Variants in GRID2 observed in about 807,000 individuals in gnomAD.
The protein encoded by GRID2 is glutamate receptor ionotropic, delta-2.
GRID2 carries 33 observed loss-of-function variants against 114.8 expected under a neutral mutation model. The observed-to-expected ratio is 0.29, with a 90% CI of 0.22 to 0.38. The LOEUF (loss-of-function observed/expected upper bound fraction) is 0.38, where lower values mean the gene tolerates loss of function less well. Ranked by LOEUF, GRID2 falls within the 10% of genes least tolerant of loss-of-function variation. GRID2 has a pLI of 1.00. For missense variants in GRID2, 1,184 were observed against 1,257.7 expected (o/e 0.94, Z 0.89); for synonymous variants, 505 against 449.9 (o/e 1.12, Z -1.55).
intron 2 of GRID2, among the ~76,000 whole-genome samples, chr4:92,834,182 T>C (rs1305964036): frequency 1.3e-5 from 2 of 152,186 alleles, no homozygotes; most frequent in Non-Finnish European, 2.9e-5. Context: ...GCTAGTACTG[T>C]GTCAAAAGCT....
intron 14 of GRID2, among the ~76,000 whole-genome samples, chr4:93,741,174 C>CATATATATATATATATACATATATAT (rs1731346895): frequency 2.4e-5 from 1 of 41,240 alleles, no homozygotes; most frequent in African/African-American, 1.2e-4. Flanking sequence ...TATATATATA[C>CATATATATATATATATACATATATAT]ATATATATAT....
intron 2 of GRID2, among the ~76,000 whole-genome samples, chr4:93,068,648 C>G (rs917345293): frequency 1.8e-4 from 27 of 151,670 alleles, no homozygotes; most frequent in African/African-American, 4.8e-4. Flanking sequence ...TGATATATAT[C>G]CACAAGAAAC....
In GRID2 at chr4:92,810,585, T is replaced by A. The variant is rs112964114; in HGVS notation, c.244+220299T>A. ...CATAAATTATAAAATTTGTGAGGCA[T>A]TTGTAGATATACAAGGTTGTGTGTA... On this transcript the variant is annotated intron_variant, in intron 2 of 15. Transcript: ENST00000282020. Among the ~76,000 whole-genome samples, 11 of 152,224 alleles carry A rather than the reference T, an allele frequency of 7.2e-5. 1 individual carries two copies. Among genetic ancestry groups the A allele is most frequent in the African/African-American group, 2.6e-4 (11 of 41,574 alleles).
chr4:92,966,282 A>G (rs1447963989), intron 2 of GRID2, among the ~76,000 whole-genome samples: 1 of 151,934 alleles, frequency 6.6e-6, no homozygotes, highest in Non-Finnish European at 1.5e-5. Flanking sequence ...CTTATAAGGT[A>G]TAAAAGTGGT....
At chr4:92,548,325 C>A (rs1726381246) in intron 1 of GRID2, among the ~76,000 whole-genome samples, 1 of 151,406 alleles carries the variant, frequency 6.6e-6, no homozygotes, top group Admixed American at 6.6e-5. Context: ...TTTATTTAAC[C>A]CAGTTTGGTA....
chr4:93,243,205 T>G (rs1162158564), intron 8 of GRID2, among the ~76,000 whole-genome samples: 3 of 152,060 alleles, frequency 2.0e-5, no homozygotes, highest in Admixed American at 1.3e-4. Flanking sequence ...ATTTAATTAC[T>G]AATTTTTTTA....
intron 1 of GRID2, among the ~76,000 whole-genome samples, chr4:92,363,909 T>G (rs1161772683): frequency 6.8e-6 from 1 of 146,578 alleles, no homozygotes; most frequent in Non-Finnish European, 1.5e-5. Context: ...AGCCTCCACC[T>G]CCTGGGTTGA....
At chr4:93,272,186 T>C (rs1307021134) in intron 8 of GRID2, among the ~76,000 whole-genome samples, 1 of 152,210 alleles carries the variant, frequency 6.6e-6, no homozygotes, top group Non-Finnish European at 1.5e-5. Flanking sequence ...CAGGCATTGA[T>C]AGGAATTCAT....
chr4:92,699,594 ACTT>A (rs1389794566), intron 2 of GRID2, among the ~76,000 whole-genome samples: 6 of 152,226 alleles, frequency 3.9e-5, no homozygotes, highest in East Asian at 1.9e-4. Flanking sequence ...TCATTAGTAA[ACTT>A]CTCTTGTTTT....
chr4:93,439,939 A>G (rs992160386), intron 10 of GRID2, among the ~76,000 whole-genome samples: 1 of 151,950 alleles, frequency 6.6e-6, no homozygotes, highest in Non-Finnish European at 1.5e-5. Context: ...CTGACCCACC[A>G]TTTCCTAGGT....
intron 4 of GRID2, among the ~76,000 whole-genome samples, chr4:93,185,615 G>T (rs1740329195): frequency 6.6e-6 from 1 of 152,042 alleles, no homozygotes; most frequent in South Asian, 2.1e-4. Context: ...TAAAACTGTA[G>T]ATATTAATGA....
chr4:93,131,950 A>G (rs973537632), intron 4 of GRID2, among the ~76,000 whole-genome samples: 3 of 152,150 alleles, frequency 2.0e-5, no homozygotes, highest in African/African-American at 7.2e-5. Context: ...GTATTGTTAT[A>G]TCTGTGATCT....
intron 2 of GRID2, among the ~76,000 whole-genome samples, chr4:93,029,346 G>C (rs1325575167): frequency 6.6e-6 from 1 of 151,886 alleles, no homozygotes; most frequent in Non-Finnish European, 1.5e-5. Context: ...TTTTAATACA[G>C]TAGATTCACT....
Position 92,930,298 on chromosome 4 carries a change from G to A in GRID2, c.245-154697G>A, listed in dbSNP as rs148616409. Among the ~76,000 whole-genome samples the A allele has an allele frequency of 1.3e-3, 195 of 151,268 alleles. 1 individual carries two copies. Among genetic ancestry groups the A allele is most frequent in the African/African-American group, 4.5e-3 (186 of 41,404 alleles). On this transcript the variant is annotated intron_variant, in intron 2 of 15. Transcript: ENST00000282020. ...TATTTAGCAATATCTGTGTGATTAG[G>A]CATCTGCTTCCTAATTCAACGTTTT...
intron 14 of GRID2, among the ~76,000 whole-genome samples, chr4:93,766,150 A>G (rs1048783588): frequency 2.0e-4 from 31 of 152,318 alleles, no homozygotes; most frequent in African/African-American, 6.3e-4. Context: ...TCAAGTAATT[A>G]TAAATGATGA....
rs577992179 is a variant in GRID2, at chr4:93,124,096, TA to T, written c.735+13146del. The stretch of plus-strand genomic sequence containing the variant: ...CAATGTGCACATGTACCCTAAAACT[TA>T]AAGTATAATAAAAAAAAAAGAAAAA... On this transcript the variant is annotated intron_variant, in intron 4 of 15. Transcript: ENST00000282020. Among the ~76,000 whole-genome samples the T allele has an allele frequency of 3.4e-4, 36 of 106,498 alleles. 3 individuals carry two copies. The East Asian group carries it at 9.5e-3, about 28-fold the overall frequency. The allele number at this position is 106,498 out of a possible 152,430, so 69.9% of individuals were successfully genotyped here. A position where few individuals can be genotyped will look rare whatever the true frequency, so the allele number is the denominator to read the frequency against.
intron 1 of GRID2, among the ~76,000 whole-genome samples, chr4:92,458,233 A>G (rs1033672424): frequency 8.5e-5 from 13 of 152,234 alleles, no homozygotes; most frequent in African/African-American, 1.7e-4. Flanking sequence ...ATTAGTCTCT[A>G]TGATAGGCAC....
At chr4:92,631,522 T>A (rs1730808128) in intron 2 of GRID2, among the ~76,000 whole-genome samples, 1 of 152,154 alleles carries the variant, frequency 6.6e-6, no homozygotes, top group Non-Finnish European at 1.5e-5. Flanking sequence ...AAAATAATTT[T>A]AAATACTTTC....
chr4:92,312,833 C>T (rs191529835), intron 1 of GRID2, among the ~76,000 whole-genome samples: 134 of 152,098 alleles, frequency 8.8e-4, no homozygotes, highest in African/African-American at 3.0e-3. Context: ...TTCTACACTG[C>T]TGGTGGGAAT....
Sources: allele counts gnomAD v4.1 joint callset (sites outside exome capture counted in the v4.1 genomes callset), GRCh38; gene constraint gnomAD v4.1.1; transcripts MANE v1.5; gene names NCBI Gene and HGNC (gene_info 2026-07-23, HGNC 2026-07-21).